ZNF80: variants seen among roughly 807,000 people sequenced by gnomAD.
ZNF80 encodes the protein ZNFPT17.
For missense variants in ZNF80, 394 were observed against 334.1 expected (o/e 1.18, Z -1.40); for synonymous variants, 132 against 119.4 (o/e 1.11, Z -0.69).
rs767591977 is a variant in ZNF80 at position 114,236,214 on chromosome 3, A to G, written c.*39T>C. The G allele has an allele frequency of 1.3e-6, 2 of 1,488,828 alleles. No individual in the cohort carries two copies. The highest frequency in any genetic ancestry group is 1.8e-6 in the Non-Finnish European group (2 of 1,108,010). The allele number at this position is 1,488,828 out of a possible 1,614,324, so 92.2% of individuals were successfully genotyped here. A position where few individuals can be genotyped will look rare whatever the true frequency, so the allele number is the denominator to read the frequency against. ...TGGCTCTCTATGTATCAAAGAAAAA[A>G]AAAAAAAGAAAACCCACAAATTCCC... On this transcript the variant is annotated 3_prime_UTR_variant, in exon 1 of 1. Coordinates refer to ENST00000482457, the MANE Select transcript of ZNF80 (RefSeq NM_007136.4).
In ZNF80 at chr3:114,236,893, T is replaced by C. The variant is rs763845115; in HGVS notation, c.182A>G (p.Asn61Ser). 3 of 1,614,202 alleles carry C rather than the reference T, an allele frequency of 1.9e-6. No individual in the cohort carries two copies. Among genetic ancestry groups the C allele is most frequent in the East Asian group, 2.2e-5 (1 of 44,878 alleles). The change falls in exon 1 of 1, where the codon AAC becomes AGC. Residue 61 changes from asparagine (N) to serine (S), a missense_variant. Coordinates refer to ENST00000482457, the MANE Select transcript of ZNF80 (RefSeq NM_007136.4). The stretch of plus-strand genomic sequence containing the variant: ...CTGCTGATGTCGAACAAGGAGGCTG[T>C]TTTTGTTAAACACGCTCCCACATTC... ...CKECGSVFNKNSLLVRHQQIH... is the reference protein window; with the variant it reads ...CKECGSVFNKSSLLVRHQQIH...
Position 114,236,317 on chromosome 3 carries a change from T to G in ZNF80, c.758A>C (p.Asp253Ala), listed in dbSNP as rs3732782. The G allele has an allele frequency of 0.65, 1,042,355 of 1,612,690 alleles. 339,067 individuals are homozygous for G. The highest frequency in any genetic ancestry group is 0.81 in the African/African-American group (60,972 of 74,984). ...KPYECLEHRK[D>A]FGYHSAFAQQ... Reference sequence around the variant, plus strand: ...GGCAAAAGCAGAGTGGTAGCCAAAGTCCTTTCTATGTTCAAGGCACTCATA... The same window carrying G: ...GGCAAAAGCAGAGTGGTAGCCAAAGGCCTTTCTATGTTCAAGGCACTCATA... Residue 253 changes from aspartate to alanine, a missense_variant, in exon 1 of 1, where the codon GAC becomes GCC. Transcript: ENST00000482457.
rs966780595 is a variant in ZNF80, at chr3:114,235,165, G to A, written c.*1088C>T. On this transcript the variant is annotated 3_prime_UTR_variant, in exon 1 of 1. Coordinates refer to ENST00000482457, the MANE Select transcript of ZNF80 (RefSeq NM_007136.4). ...CTGAGTTTCTCATTAGATTAGATAA[G>A]CTGTGTTTTGTTTTGTTTGTCTTAG... The A allele has an allele frequency of 6.6e-6, 1 of 152,164 alleles. No homozygotes were observed. The highest frequency in any genetic ancestry group is 2.1e-4 in the South Asian group (1 of 4,832). 9.4% of individuals were successfully genotyped at this position (152,164 alleles called of 1,614,324 possible).
In ZNF80 at chr3:114,236,305, T is replaced by G. The variant is rs1196661401; in HGVS notation, c.770A>C (p.His257Pro). 2.5e-6 allele frequency: 4 copies of G among 1,612,886 alleles called. No individual in the cohort carries two copies. The South Asian group carries it at 4.4e-5, about 18-fold the overall frequency. Residue 257 changes from histidine (H) to proline (P), a missense_variant, in exon 1 of 1, where the codon CAC becomes CCC. Coordinates refer to ENST00000482457, the MANE Select transcript of ZNF80 (RefSeq NM_007136.4). ...CLEHRKDFGY[H>P]SAFAQQSKIH... The stretch of plus-strand genomic sequence containing the variant: ...CTTACTCTGTTGGGCAAAAGCAGAG[T>G]GGTAGCCAAAGTCCTTTCTATGTTC...
rs1272706402 is a variant in ZNF80, at chr3:114,237,270, G to A, written c.-196C>T. On this transcript the variant is annotated 5_prime_UTR_variant, in exon 1 of 1. Transcript: ENST00000482457. ...TTCCTTCTGATGTTCGGATGTGTTC[G>A]GAGTTTCTTCCTTCTGGCGGGTTCG... The A allele has an allele frequency of 1.1e-5, 6 of 528,590 alleles. No individual in the cohort carries two copies. The East Asian group carries it at 1.8e-4, about 16-fold the overall frequency. 32.7% of individuals were successfully genotyped at this position (528,590 alleles called of 1,614,324 possible).
chr3:114,237,366 G>A lies in ZNF80; in HGVS notation c.-292C>T, dbSNP rs1336571020. On this transcript the variant is annotated 5_prime_UTR_variant, in exon 1 of 1. Transcript: ENST00000482457. The stretch of plus-strand genomic sequence containing the variant: ...TGTTACAGCTCTTAAGGCTTAAGGC[G>A]GCGCGTCTGGAGTTGTTCGTTCCTC... 7.4e-6 allele frequency: 2 copies of A among 269,986 alleles called. No homozygotes were observed. Among genetic ancestry groups the A allele is most frequent in the Admixed American group, 9.6e-5 (2 of 20,770 alleles). The allele number at this position is 269,986 out of a possible 1,614,324, so 16.7% of individuals were successfully genotyped here.
At position 114,234,876 on chromosome 3, in the gene ZNF80, T is replaced by TTTTGATA; in HGVS notation, c.*1370_*1376dup. 6.6e-6 allele frequency: 1 copy of TTTTGATA among 152,358 alleles called. No homozygotes were observed. Among genetic ancestry groups the TTTTGATA allele is most frequent in the South Asian group, 2.1e-4 (1 of 4,832 alleles). The allele number at this position is 152,358 out of a possible 1,614,324, so 9.4% of individuals were successfully genotyped here. A position where few individuals can be genotyped will look rare whatever the true frequency, so the allele number is the denominator to read the frequency against. On this transcript the variant is annotated 3_prime_UTR_variant, in exon 1 of 1. Coordinates refer to ENST00000482457, the MANE Select transcript of ZNF80 (RefSeq NM_007136.4). ...TACTAAATACTGTATCTTAGAGATG[T>TTTTGATA]TTTGATATCAGTACATACAGAGATA...
Position 114,237,191 on chromosome 3 carries a change from C to T in ZNF80, c.-117G>A, listed in dbSNP as rs2078208267. 8 of 887,444 alleles carry T rather than the reference C, an allele frequency of 9.0e-6. No individual in the cohort carries two copies. Among genetic ancestry groups the T allele is most frequent in the Admixed American group, 2.4e-5 (1 of 42,148 alleles). The allele number at this position is 887,444 out of a possible 1,614,324, so 55.0% of individuals were successfully genotyped here. On this transcript the variant is annotated 5_prime_UTR_variant, in exon 1 of 1. Transcript: ENST00000482457. ...GTCTCACTGACTTCAAGAATGAAGCCGCGGACCCTTGTGGTGAGTGTTACA... is the reference window on the plus strand; with the variant it reads ...GTCTCACTGACTTCAAGAATGAAGCTGCGGACCCTTGTGGTGAGTGTTACA...
In ZNF80 at chr3:114,237,114, ACTCAAGTGCC is replaced by A. The variant is rs1431373167; in HGVS notation, c.-50_-41del. The A allele has an allele frequency of 1.3e-6, 2 of 1,530,250 alleles. No homozygotes were observed. The highest frequency in any genetic ancestry group is 1.8e-6 in the Non-Finnish European group (2 of 1,133,810). The allele number at this position is 1,530,250 out of a possible 1,614,324, so 94.8% of individuals were successfully genotyped here. ...TCTCCGTGTGGGAGACTGCAGCCAAACTCAAGTGCCCTTCTGCATTTCCAACTGTGTCCGG... is the reference window on the plus strand; with the variant it reads ...TCTCCGTGTGGGAGACTGCAGCCAAACTTCTGCATTTCCAACTGTGTCCGG... On this transcript the variant is annotated 5_prime_UTR_variant, in exon 1 of 1. It removes the in-frame stop codon of an upstream open reading frame in the 5' UTR. Coordinates refer to ENST00000482457, the MANE Select transcript of ZNF80 (RefSeq NM_007136.4).
At position 114,236,765 on chromosome 3, in the gene ZNF80, G is replaced by T; in HGVS notation, c.310C>A (p.Pro104Thr). The stretch of plus-strand genomic sequence containing the variant: ...TTCCCGCACTCCACGCACTTACAGG[G>T]CTTCTCCCCTGTGTGAATCCTCATG... ...RPMRIHTGEK[P>T]CKCVECGKVF... is the part of the protein sequence containing the mutation. Residue 104 changes from proline to threonine, a missense_variant, in exon 1 of 1, where the codon CCC becomes ACC. Pro to Thr is a conservative substitution (Grantham distance 38). Coordinates refer to ENST00000482457, the MANE Select transcript of ZNF80 (RefSeq NM_007136.4). The T allele has an allele frequency of 1.2e-6, 2 of 1,614,164 alleles. No homozygotes were observed. Among genetic ancestry groups the T allele is most frequent in the Non-Finnish European group, 1.7e-6 (2 of 1,180,020 alleles).
chr3:114,236,800 A>G lies in ZNF80; in HGVS notation c.275T>C (p.Phe92Ser), dbSNP rs2078205778. The G allele has an allele frequency of 6.2e-7, 1 of 1,614,130 alleles. No individual in the cohort carries two copies. Among genetic ancestry groups the G allele is most frequent in the East Asian group, 2.2e-5 (1 of 44,876 alleles). The stretch of plus-strand genomic sequence containing the variant: ...TGTGTGAATCCTCATGGGTCGAACG[A>G]AGTCGACCTTTTCAGGAAAGGCTTT... ...CGKAFPEKVD[F>S]VRPMRIHTGE... The change falls in exon 1 of 1, where the codon TTC (phenylalanine) becomes TCC (serine). Residue 92 changes from phenylalanine (F) to serine (S), a missense_variant. By Grantham distance (155) the Phe-to-Ser change is radical. Transcript: ENST00000482457.
rs947602736 is a variant in ZNF80, at chr3:114,237,204, G to A, written c.-130C>T. The A allele has an allele frequency of 1.6e-4, 127 of 771,230 alleles. No homozygotes were observed. The highest frequency in any genetic ancestry group is 7.6e-4 in the Admixed American group (30 of 39,318). 47.8% of individuals were successfully genotyped at this position (771,230 alleles called of 1,614,324 possible). A position where few individuals can be genotyped will look rare whatever the true frequency, so the allele number is the denominator to read the frequency against. On this transcript the variant is annotated 5_prime_UTR_variant, in exon 1 of 1. Coordinates refer to ENST00000482457, the MANE Select transcript of ZNF80 (RefSeq NM_007136.4). ...CAAGAATGAAGCCGCGGACCCTTGT[G>A]GTGAGTGTTACAGCTCTTAAGGTGG...
chr3:114,236,722 G>C lies in ZNF80; in HGVS notation c.353C>G (p.Ser118Trp), dbSNP rs759155465. 2 of 1,614,026 alleles carry C rather than the reference G, an allele frequency of 1.2e-6. No homozygotes were observed. Among genetic ancestry groups the C allele is most frequent in the Admixed American group, 1.7e-5 (1 of 59,996 alleles). The change falls in exon 1 of 1, where the codon TCG (serine) becomes TGG (tryptophan). Residue 118 changes from serine to tryptophan, a missense_variant. Physicochemically the swap from Ser to Trp is radical, Grantham distance 177. Transcript: ENST00000482457. ...VECGKVFNRR[S>W]HLLCYRQIHT... The stretch of plus-strand genomic sequence containing the variant: ...AATCTGGCGGTAGCACAGGAGGTGC[G>C]ACCTGCGGTTGAAGACCTTCCCGCA...
In ZNF80 at chr3:114,236,667, G is replaced by T. The variant is rs139382869; in HGVS notation, c.408C>A (p.Ser136Arg). ...GATAGCTGAAGGTCTTTCCACACTC[G>T]CTGCACTCATAGGGCTTCTCTCCAG... ...IHTGEKPYECSECGKTFSYHS... is the reference protein window; with the variant it reads ...IHTGEKPYECRECGKTFSYHS... Residue 136 changes from serine (S) to arginine (R), a missense_variant, in exon 1 of 1, where the codon AGC becomes AGA. Coordinates refer to ENST00000482457, the MANE Select transcript of ZNF80 (RefSeq NM_007136.4). The T allele has an allele frequency of 3.1e-6, 5 of 1,613,960 alleles. No individual in the cohort carries two copies. The highest frequency in any genetic ancestry group is 1.6e-4 in the Middle Eastern group (1 of 6,062).
At position 114,235,400 on chromosome 3, in the gene ZNF80, G is replaced by GT. The variant is rs60835474; in HGVS notation, c.*852dup. 2.0e-5 allele frequency: 3 copies of GT among 152,164 alleles called. No homozygotes were observed. The East Asian group carries it at 5.8e-4, about 29-fold the overall frequency. The allele number at this position is 152,164 out of a possible 1,614,324, so 9.4% of individuals were successfully genotyped here. ...GGTGTTCAAAACCACATGAAGAATT[G>GT]TTTTTTGTTAAATTAAAGCCTTAAG... On this transcript the variant is annotated 3_prime_UTR_variant, in exon 1 of 1. Coordinates refer to ENST00000482457, the MANE Select transcript of ZNF80 (RefSeq NM_007136.4).
Position 114,236,576 on chromosome 3 carries a change from C to T in ZNF80, c.499G>A (p.Gly167Arg). Residue 167 changes from glycine (G) to arginine (R), a missense_variant, in exon 1 of 1, where the codon GGA becomes AGA. Gly to Arg is a moderately radical substitution (Grantham distance 125, BLOSUM62 -2). Transcript: ENST00000482457. Reference sequence around the variant, plus strand: ...GAAGAGTTGTAGTAAAAGGTTTTTCCACATTCTTTGCACCCAAAGAGTTTT... The same window carrying T: ...GAAGAGTTGTAGTAAAAGGTTTTTCTACATTCTTTGCACCCAAAGAGTTTT... ...GEKLFGCKEC[G>R]KTFYYNSSLT... 1.2e-6 allele frequency: 2 copies of T among 1,614,096 alleles called. No individual in the cohort carries two copies. The highest frequency in any genetic ancestry group is 1.3e-5 in the African/African-American group (1 of 75,006).
Position 114,235,991 on chromosome 3 carries a change from T to G in ZNF80, c.*262A>C. The G allele has an allele frequency of 3.0e-6, 1 of 331,256 alleles. No homozygotes were observed. Among genetic ancestry groups the G allele is most frequent in the Non-Finnish European group, 5.5e-6 (1 of 182,572 alleles). 20.5% of individuals were successfully genotyped at this position (331,256 alleles called of 1,614,324 possible). A position where few individuals can be genotyped will look rare whatever the true frequency, so the allele number is the denominator to read the frequency against. On this transcript the variant is annotated 3_prime_UTR_variant, in exon 1 of 1. Transcript: ENST00000482457. ...GATATTTCCTGTGGCCAAAAGATTTTCTTCACTAGTTTTTGTCAAAATGTC... is the reference window on the plus strand; with the variant it reads ...GATATTTCCTGTGGCCAAAAGATTTGCTTCACTAGTTTTTGTCAAAATGTC...
chr3:114,237,408 C>T lies in ZNF80; in HGVS notation c.-334G>A, dbSNP rs1351703797. The T allele has an allele frequency of 1.4e-5, 3 of 214,570 alleles. No individual in the cohort carries two copies. 13.3% of individuals were successfully genotyped at this position (214,570 alleles called of 1,614,324 possible). A position where few individuals can be genotyped will look rare whatever the true frequency, so the allele number is the denominator to read the frequency against. On this transcript the variant is annotated 5_prime_UTR_variant, in exon 1 of 1. Transcript: ENST00000482457. ...TCGTTCCTCCCGGTGGGCTCGTGGT[C>T]TCGCTGGCTTCAGGAGTGAAGCTGC...
chr3:114,236,191 G>T lies in ZNF80; in HGVS notation c.*62C>A. The T allele has an allele frequency of 7.9e-7, 1 of 1,271,354 alleles. No individual in the cohort carries two copies. Among genetic ancestry groups the T allele is most frequent in the Non-Finnish European group, 1.1e-6 (1 of 923,202 alleles). The allele number at this position is 1,271,354 out of a possible 1,614,324, so 78.8% of individuals were successfully genotyped here. On this transcript the variant is annotated 3_prime_UTR_variant, in exon 1 of 1. Coordinates refer to ENST00000482457, the MANE Select transcript of ZNF80 (RefSeq NM_007136.4). Reference sequence around the variant, plus strand: ...ATTCAGAGTGCTTCTCCTCAGTGTGGCTCTCTATGTATCAAAGAAAAAAAA... The same window carrying T: ...ATTCAGAGTGCTTCTCCTCAGTGTGTCTCTCTATGTATCAAAGAAAAAAAA...
Sources: gnomAD v4.1 joint callset for allele counts on GRCh38, gnomAD v4.1.1 for gene constraint, MANE v1.5 for transcripts, NCBI Gene and HGNC (gene_info 2026-07-23, HGNC 2026-07-21) for gene names.